Variants in CREB5 observed in about 807,000 individuals in gnomAD.
The protein encoded by CREB5 is cAMP responsive element binding protein 5, also known as cyclic AMP-responsive element-binding protein 5.
In CREB5, 19 loss-of-function variants were observed where a neutral mutation model predicts 57.1. The ratio of observed to expected loss-of-function variants is 0.33; its 90% CI spans 0.23 to 0.49. The LOEUF is 0.49. Among genes scored for constraint, CREB5 ranks in the 20% least tolerant of loss-of-function variants. The pLI is 0.99. For missense variants in CREB5, 579 were observed against 671.6 expected (o/e 0.86, Z 1.52); for synonymous variants, 238 against 238.3 (o/e 1.00, Z 0.01).
chr7:28,301,607 C>T (rs1166852258), intron 1 of CREB5, among the ~76,000 whole-genome samples: 3 of 152,150 alleles, frequency 2.0e-5, no homozygotes, highest in Admixed American at 1.3e-4. Flanking sequence ...TCCTTATTGT[C>T]TAAAGGGACT....
At chr7:28,425,269 A>G (rs532981508) in intron 1 of CREB5, among the ~76,000 whole-genome samples, 1 of 152,320 alleles carries the variant, frequency 6.6e-6, no homozygotes, top group South Asian at 2.1e-4. Flanking sequence ...TGGTTGTAAA[A>G]AAAAAACTAC....
At chr7:28,551,120 G>A (rs886707892) in intron 4 of CREB5, among the ~76,000 whole-genome samples, 2 of 151,678 alleles carry the variant, frequency 1.3e-5, no homozygotes, top group Non-Finnish European at 1.5e-5. Context: ...GTGCCAAGCC[G>A]ATTGGTATAT....
chr7:28,645,001 CTCTTT>C (rs1217886539), intron 5 of CREB5, among the ~76,000 whole-genome samples: 1 of 152,146 alleles, frequency 6.6e-6, no homozygotes, highest in African/African-American at 2.4e-5. Flanking sequence ...TTGGCCAACT[CTCTTT>C]TCAGACGGAA....
intron 1 of CREB5, among the ~76,000 whole-genome samples, chr7:28,443,660 G>A (rs893520117): frequency 6.6e-6 from 1 of 152,098 alleles, no homozygotes; most frequent in African/African-American, 2.4e-5. Context: ...GCTAAAAATT[G>A]GAGGAGGGGG....
At chr7:28,359,378 T>C (rs1786414333) in intron 1 of CREB5, among the ~76,000 whole-genome samples, 1 of 152,214 alleles carries the variant, frequency 6.6e-6, no homozygotes, top group Admixed American at 6.5e-5. Flanking sequence ...TCAGAGACAC[T>C]AATGAAATAA....
intron 4 of CREB5, among the ~76,000 whole-genome samples, chr7:28,529,239 A>G (rs1293135077): frequency 6.6e-6 from 1 of 152,206 alleles, no homozygotes; most frequent in East Asian, 1.9e-4. Flanking sequence ...CCAAGAATGC[A>G]CGAGAGTGGT....
At chr7:28,804,092 C>A in intron 7 of CREB5, 107 bp from the exon 8 acceptor site, 1 of 983,580 alleles carries the variant, frequency 1.0e-6, no homozygotes, top group Non-Finnish European at 1.5e-6. Context: ...TTAACAATAG[C>A]ATCGTAAAAT....
At chr7:28,305,577 A>T (rs1785168179) in intron 1 of CREB5, among the ~76,000 whole-genome samples, 1 of 152,168 alleles carries the variant, frequency 6.6e-6, no homozygotes, top group African/African-American at 2.4e-5. Context: ...TGAGACTAAG[A>T]AGACCTCCTG....
At chr7:28,573,410 A>G (rs1795780470) in intron 5 of CREB5, among the ~76,000 whole-genome samples, 1 of 152,244 alleles carries the variant, frequency 6.6e-6, no homozygotes, top group Admixed American at 6.5e-5. Context: ...AAAACAGCAA[A>G]CAGCAATGAA....
chr7:28,751,401 T>C (rs1332211296), intron 7 of CREB5, among the ~76,000 whole-genome samples: 4 of 152,182 alleles, frequency 2.6e-5, no homozygotes, highest in Admixed American at 2.0e-4. Flanking sequence ...GGATTTTGTC[T>C]ATAATGTGTT....
At chr7:28,768,988 A>G (rs921958090) in intron 7 of CREB5, among the ~76,000 whole-genome samples, 1 of 152,248 alleles carries the variant, frequency 6.6e-6, no homozygotes, top group African/African-American at 2.4e-5. Context: ...TCTGTTATAT[A>G]AATGAGTGAG....
Position 28,560,823 on chromosome 7 carries a change from C to CGTGCGT in CREB5, c.292-9541_292-9540insTGCGTG, listed in dbSNP as rs1442862711. Among the ~76,000 whole-genome samples, 9 of 34,452 alleles carry CGTGCGT rather than the reference C, an allele frequency of 2.6e-4. 1 individual carries two copies. Among genetic ancestry groups the CGTGCGT allele is most frequent in the Non-Finnish European group, 4.0e-4 (6 of 15,080 alleles). The allele number at this position is 34,452 out of a possible 152,430, so 22.6% of individuals were successfully genotyped here. On this transcript the variant is annotated intron_variant, in intron 4 of 10. Transcript: ENST00000357727. ...GTGTGTGTGCGCGTGTGTGTGTGTG[C>CGTGCGT]GCGCGCGCGCGTGTGTGTGTGCGCG...
chr7:28,604,437 G>A (rs112053616), intron 5 of CREB5, among the ~76,000 whole-genome samples: 6 of 152,182 alleles, frequency 3.9e-5, no homozygotes, highest in African/African-American at 1.2e-4. Flanking sequence ...AGTGCTTGGT[G>A]CAAACATTTC....
intron 1 of CREB5, among the ~76,000 whole-genome samples, chr7:28,468,246 C>T (rs1790670860): frequency 6.6e-6 from 1 of 152,162 alleles, no homozygotes; most frequent in South Asian, 2.1e-4. Context: ...TCCTGTCTGC[C>T]AATAGTGCCA....
chr7:28,450,420 G>A (rs1789740898), intron 1 of CREB5, among the ~76,000 whole-genome samples: 1 of 152,176 alleles, frequency 6.6e-6, no homozygotes, highest in South Asian at 2.1e-4. Context: ...CTGCCATTTG[G>A]ATGCTTGACT....
At chr7:28,510,195 G>A (rs1012036586) in intron 4 of CREB5, among the ~76,000 whole-genome samples, 1 of 152,142 alleles carries the variant, frequency 6.6e-6, no homozygotes, top group Admixed American at 6.5e-5. Context: ...AACATCCTTG[G>A]CATCCTGCCA....
At chr7:28,385,676 C>CA (rs56149219) in intron 1 of CREB5, among the ~76,000 whole-genome samples, 30,000 of 128,462 alleles carry the variant, frequency 0.23, 3,801 homozygotes, top group Middle Eastern at 0.34. Flanking sequence ...GACCCTGTCT[C>CA]AAAAAAAAAA....
rs1436741852 is a variant in CREB5 at position 28,560,917 on chromosome 7, T to C, written c.292-9448T>C. Among the ~76,000 whole-genome samples the C allele has an allele frequency of 2.1e-3, 169 of 80,830 alleles. 13 individuals are homozygous for C. Among genetic ancestry groups the C allele is most frequent in the Non-Finnish European group, 2.4e-3 (104 of 44,154 alleles). 53.0% of individuals were successfully genotyped at this position (80,830 alleles called of 152,430 possible). ...GTGTGCGTGCGCGCGTGCGTGTGCGTGTGTGCGCGTGCGTGTGTGCGTGCG... is the reference window on the plus strand; with the variant it reads ...GTGTGCGTGCGCGCGTGCGTGTGCGCGTGTGCGCGTGCGTGTGTGCGTGCG... On this transcript the variant is annotated intron_variant, in intron 4 of 10. Transcript: ENST00000357727.
intron 3 of CREB5, among the ~76,000 whole-genome samples, chr7:28,499,878 C>T (rs1484745619): frequency 2.6e-5 from 4 of 152,206 alleles, no homozygotes; most frequent in South Asian, 2.1e-4. Flanking sequence ...CCACAGCACC[C>T]GGCCAACTGT....
Sources: gnomAD v4.1 joint callset for allele counts (sites outside exome capture counted in the v4.1 genomes callset) on GRCh38, gnomAD v4.1.1 for gene constraint, MANE v1.5 for transcripts, NCBI Gene and HGNC (gene_info 2026-07-23, HGNC 2026-07-21) for gene names.